Variants in FHIT observed in about 807,000 individuals in gnomAD.
The protein encoded by FHIT is fragile histidine triad diadenosine triphosphatase.
FHIT carries 19 observed loss-of-function variants against 17.9 expected under a neutral mutation model. The ratio of observed to expected loss-of-function variants is 1.06; its 90% CI spans 0.74 to 1.56. FHIT has a LOEUF of 1.56. Ranked by LOEUF, FHIT falls within the 40% of genes most tolerant of loss-of-function variation. The probability of loss-of-function intolerance (pLI) is 0.00; values close to 1 mark genes in which losing one functional copy is unlikely to be tolerated. For missense variants in FHIT, 248 were observed against 189.2 expected, an observed-to-expected ratio of 1.31 and a Z score of -1.82; for synonymous variants, 81 against 69.7, an observed-to-expected ratio of 1.16 and a Z score of -0.81.
chr3:59,880,181 C>T (rs1264467850), intron 8 of FHIT, among the ~76,000 whole-genome samples: 2 of 152,122 alleles, frequency 1.3e-5, no homozygotes, highest in African/African-American at 4.8e-5. Flanking sequence ...TCCTGCCTGT[C>T]CCCTCTGCTC....
chr3:60,183,472 G>A (rs1702030810), intron 5 of FHIT, among the ~76,000 whole-genome samples: 1 of 152,066 alleles, frequency 6.6e-6, no homozygotes, highest in African/African-American at 2.4e-5. Flanking sequence ...AAAGTGTTTT[G>A]TTCAATTTGA....
chr3:60,982,336 G>T (rs906401279), intron 3 of FHIT, among the ~76,000 whole-genome samples: 8 of 152,212 alleles, frequency 5.3e-5, no homozygotes, highest in African/African-American at 1.9e-4. Context: ...TGTTTACCAT[G>T]TGAACTGTGG....
At chr3:60,937,122 C>A (rs1553773274) in intron 3 of FHIT, among the ~76,000 whole-genome samples, 2 of 152,058 alleles carry the variant, frequency 1.3e-5, no homozygotes, top group African/African-American at 2.4e-5. Context: ...CCCAAAGTGA[C>A]AAAGGAATGT....
chr3:60,384,836 T>TAAA (rs5849358), intron 5 of FHIT, among the ~76,000 whole-genome samples: 2 of 135,474 alleles, frequency 1.5e-5, no homozygotes, highest in Admixed American at 7.2e-5. Context: ...TTCACATTAG[T>TAAA]AAAAAAAAAA....
intron 4 of FHIT, among the ~76,000 whole-genome samples, chr3:60,611,990 A>C (rs1201159412): frequency 6.6e-6 from 1 of 151,532 alleles, no homozygotes; most frequent in East Asian, 1.9e-4. Context: ...CAGCTTCAAA[A>C]CTCTCAGCAG....
chr3:60,318,955 C>T (rs1709291964), intron 5 of FHIT, among the ~76,000 whole-genome samples: 1 of 152,094 alleles, frequency 6.6e-6, no homozygotes, highest in African/African-American at 2.4e-5. Context: ...TCCCTCATCT[C>T]CAAAGTGCAT....
Position 60,869,962 on chromosome 3 carries a change from A to T in FHIT, c.-110-47951T>A, listed in dbSNP as rs189481552. On this transcript the variant is annotated intron_variant, in intron 3 of 9. Coordinates refer to ENST00000492590, the MANE Select transcript of FHIT (RefSeq NM_002012.4). ...ATTTAGTGTGGATTCTGACAAAAGA[A>T]CAAATTAAGTACTTTGATTTGATTC... 3.4e-3 allele frequency among the ~76,000 whole-genome samples: 515 copies of T among 152,296 alleles called. 3 individuals are homozygous for T. The highest frequency in any genetic ancestry group is 5.5e-3 in the Non-Finnish European group (376 of 68,008).
At chr3:60,872,880 T>G (rs1340049467) in intron 3 of FHIT, among the ~76,000 whole-genome samples, 3 of 152,008 alleles carry the variant, frequency 2.0e-5, no homozygotes, top group Non-Finnish European at 4.4e-5. Context: ...CTCACAAAAG[T>G]CTAGAAGAGT....
At chr3:60,209,002 T>C (rs1159642614) in intron 5 of FHIT, among the ~76,000 whole-genome samples, 1 of 152,180 alleles carries the variant, frequency 6.6e-6, no homozygotes, top group East Asian at 1.9e-4. Flanking sequence ...TCTACTTGCT[T>C]TCTGTCCACT....
intron 2 of FHIT, among the ~76,000 whole-genome samples, chr3:61,096,000 A>G (rs769399112): frequency 1.6e-4 from 25 of 152,216 alleles, no homozygotes; most frequent in Non-Finnish European, 3.4e-4. Context: ...GTGAAGAAAA[A>G]AGGACCTCAT....
In FHIT at chr3:60,725,968, G is replaced by A. The variant is rs938686418; in HGVS notation, c.-18+95951C>T. ...TTTCCTTAGGTCATAGAACAAGCAG[G>A]AAAACCGATTTAAAAAAATTGAGGG... is the stretch of plus-strand genomic sequence containing the variant. On this transcript the variant is annotated intron_variant, in intron 4 of 9. Coordinates refer to ENST00000492590, the MANE Select transcript of FHIT (RefSeq NM_002012.4). 5.3e-5 allele frequency among the ~76,000 whole-genome samples: 8 copies of A among 152,242 alleles called. No homozygotes were observed. The East Asian group carries it at 1.2e-3, about 22-fold the overall frequency.
chr3:60,516,077 A>G (rs1245781949), intron 5 of FHIT, among the ~76,000 whole-genome samples: 1 of 152,156 alleles, frequency 6.6e-6, no homozygotes, highest in East Asian at 1.9e-4. Context: ...GAAACATACT[A>G]TGGGTTCAGA....
intron 1 of FHIT, among the ~76,000 whole-genome samples, chr3:61,203,373 A>G (rs925778102): frequency 8.6e-5 from 13 of 151,954 alleles, no homozygotes; most frequent in South Asian, 2.1e-4. Context: ...GAAAAATTAT[A>G]TGCCCATGCT....
chr3:60,517,073 A>G (rs554333264), intron 5 of FHIT, among the ~76,000 whole-genome samples: 2 of 152,340 alleles, frequency 1.3e-5, no homozygotes, highest in East Asian at 3.9e-4. Flanking sequence ...TTGGCTATAA[A>G]AACATGTCGA....
chr3:59,953,551 C>T (rs1472519209), intron 7 of FHIT, among the ~76,000 whole-genome samples: 1 of 152,212 alleles, frequency 6.6e-6, no homozygotes, highest in Non-Finnish European at 1.5e-5. Context: ...AGCAAGGTAT[C>T]TTTCCTCGTT....
chr3:61,008,531 C>T (rs368968412), intron 3 of FHIT, among the ~76,000 whole-genome samples: 1 of 151,606 alleles, frequency 6.6e-6, no homozygotes, highest in Non-Finnish European at 1.5e-5. Flanking sequence ...CTCTTTGAAG[C>T]CTCCCTGATA....
At chr3:60,740,877 C>T (rs1015262379) in intron 4 of FHIT, among the ~76,000 whole-genome samples, 1 of 152,180 alleles carries the variant, frequency 6.6e-6, no homozygotes, top group South Asian at 2.1e-4. Context: ...GTTTAGTCAC[C>T]ATGAACCAAC....
At chr3:60,621,120 A>G (rs1251733380) in intron 4 of FHIT, among the ~76,000 whole-genome samples, 2 of 145,160 alleles carry the variant, frequency 1.4e-5, no homozygotes, top group Non-Finnish European at 3.0e-5. Flanking sequence ...ACAGTTTGGT[A>G]TTTATGCTTC....
chr3:61,091,412 A>C (rs1226022228), intron 2 of FHIT, among the ~76,000 whole-genome samples: 1 of 152,134 alleles, frequency 6.6e-6, no homozygotes, highest in South Asian at 2.1e-4. Flanking sequence ...AGCATATATC[A>C]ATATCTACCT....
Sources: gnomAD v4.1 joint callset for allele counts (sites outside exome capture counted in the v4.1 genomes callset) on GRCh38, gnomAD v4.1.1 for gene constraint, MANE v1.5 for transcripts, NCBI Gene and HGNC (gene_info 2026-07-23, HGNC 2026-07-21) for gene names.